Variants in MRTFA observed in about 807,000 individuals in gnomAD.
The protein encoded by MRTFA is myocardin related transcription factor A.
Under a neutral mutation model 83.5 loss-of-function variants are expected in MRTFA, and 20 were observed. The ratio of observed to expected loss-of-function variants is 0.24; its 90% CI spans 0.17 to 0.35. The LOEUF is 0.35. Among genes scored for constraint, MRTFA ranks in the 10% least tolerant of loss-of-function variants. MRTFA has a pLI of 1.00. For synonymous variants in MRTFA, 659 were observed against 541.2 expected (o/e 1.22, Z -3.02); for missense variants, 1,200 against 1,224.7 (o/e 0.98, Z 0.30).
chr22:40,502,614 G>T lies in MRTFA; in HGVS notation c.242-39328C>A, dbSNP rs919824266. 3.3e-3 allele frequency among the ~76,000 whole-genome samples: 485 copies of T among 147,270 alleles called. 2 individuals carry two copies. The highest frequency in any genetic ancestry group is 5.0e-3 in the Non-Finnish European group (335 of 66,580). On this transcript the variant is annotated intron_variant, in intron 3 of 14. Transcript: ENST00000355630. ...GCTCCTCACATCCCAGACGATGGGCGGCCAGGCAGAGACACTCCTCACTTC... is the reference window on the plus strand; with the variant it reads ...GCTCCTCACATCCCAGACGATGGGCTGCCAGGCAGAGACACTCCTCACTTC...
chr22:40,481,503 G>A (rs564792888), intron 3 of MRTFA, among the ~76,000 whole-genome samples: 1 of 152,032 alleles, frequency 6.6e-6, no homozygotes, highest in Non-Finnish European at 1.5e-5. Flanking sequence ...TAATAAATAA[G>A]GTGTACGTAT....
At chr22:40,519,636 G>A in intron 3 of MRTFA, 1 of 1,275,450 alleles carries the variant, frequency 7.8e-7, no homozygotes, top group Non-Finnish European at 1.0e-6. Context: ...AAGCAAAAAA[G>A]AAATAAAAGC....
chr22:40,584,605 A>G (rs148995102), intron 2 of MRTFA, among the ~76,000 whole-genome samples: 3 of 152,076 alleles, frequency 2.0e-5, no homozygotes, highest in African/African-American at 7.2e-5. Context: ...GTGTGGTGGC[A>G]CATGCCTGTA....
chr22:40,505,111 T>C (rs2054559885), intron 3 of MRTFA, among the ~76,000 whole-genome samples: 8 of 152,234 alleles, frequency 5.3e-5, no homozygotes, highest in Admixed American at 4.6e-4. Context: ...CAGCATCTAG[T>C]CCACTGTCTT....
chr22:40,444,978 A>C (rs1459853965), intron 4 of MRTFA, among the ~76,000 whole-genome samples: 2 of 152,174 alleles, frequency 1.3e-5, no homozygotes, highest in African/African-American at 4.8e-5. Context: ...GAGATGGAAG[A>C]ATCGCCTGAG....
intron 3 of MRTFA, among the ~76,000 whole-genome samples, chr22:40,495,377 G>C (rs1384853366): frequency 6.6e-6 from 1 of 151,694 alleles, no homozygotes; most frequent in East Asian, 1.9e-4. Flanking sequence ...ACTTGAACCT[G>C]GGAGGTGGAG....
At chr22:40,472,466 C>A (rs1382098578) in intron 3 of MRTFA, among the ~76,000 whole-genome samples, 3 of 152,094 alleles carry the variant, frequency 2.0e-5, no homozygotes, top group Non-Finnish European at 4.4e-5. Context: ...GTGTTTTGAA[C>A]AATGATTCAG....
intron 2 of MRTFA, among the ~76,000 whole-genome samples, chr22:40,585,657 A>G (rs1029357292): frequency 3.3e-5 from 5 of 152,238 alleles, no homozygotes; most frequent in South Asian, 2.1e-4. Context: ...AAAAGCATCA[A>G]TTAGACAGCT....
intron 3 of MRTFA, among the ~76,000 whole-genome samples, chr22:40,502,130 C>T (rs1377064828): frequency 2.8e-5 from 4 of 143,346 alleles, no homozygotes; most frequent in South Asian, 2.2e-4. Flanking sequence ...CCTCACCTCC[C>T]GGACGGGGCG....
intron 12 of MRTFA, 34 bp from the exon 13 acceptor site, chr22:40,417,527 A>AG (rs1289847577): frequency 3.2e-6 from 3 of 942,166 alleles, no homozygotes; most frequent in African/African-American, 5.7e-5. Context: ...ACCAGTGGCC[A>AG]GGGGGCTGGG....
chr22:40,417,133 C>T, intron 13 of MRTFA, 87 bp from the exon 14 acceptor site: 1 of 1,461,480 alleles, frequency 6.8e-7, no homozygotes, highest in Non-Finnish European at 9.3e-7. Context: ...CCTCCCTCTG[C>T]CCCAGAATAA....
intron 9 of MRTFA, among the ~76,000 whole-genome samples, chr22:40,421,543 T>G (rs1207278043): frequency 1.3e-5 from 2 of 152,118 alleles, no homozygotes; most frequent in African/African-American, 4.8e-5. Context: ...AACTGTCGTG[T>G]CTACTTGAAA....
chr22:40,498,671 C>G (rs1260442579), intron 3 of MRTFA, among the ~76,000 whole-genome samples: 1 of 152,020 alleles, frequency 6.6e-6, no homozygotes, highest in Non-Finnish European at 1.5e-5. Context: ...ACAAATGAAC[C>G]ATCAAAGCAC....
chr22:40,506,049 C>T (rs1004969756), intron 3 of MRTFA, among the ~76,000 whole-genome samples: 18 of 152,008 alleles, frequency 1.2e-4, no homozygotes, highest in African/African-American at 3.6e-4. Context: ...CTGGCTAACA[C>T]GGTGAAACCC....
intron 3 of MRTFA, among the ~76,000 whole-genome samples, chr22:40,539,998 C>T (rs1398149154): frequency 1.3e-5 from 2 of 151,064 alleles, no homozygotes; most frequent in African/African-American, 4.9e-5. Context: ...CAGCCTCGAC[C>T]TCCCAGGCTC....
intron 1 of MRTFA, among the ~76,000 whole-genome samples, chr22:40,625,065 T>C (rs962861688): frequency 1.2e-4 from 19 of 152,172 alleles, no homozygotes; most frequent in African/African-American, 4.6e-4. Context: ...CTCAAATGAC[T>C]AGCATATGAT....
At chr22:40,516,498 GA>G (rs1197193038) in intron 3 of MRTFA, among the ~76,000 whole-genome samples, 2 of 142,782 alleles carry the variant, frequency 1.4e-5, no homozygotes, top group Non-Finnish European at 3.1e-5. Context: ...AGAAGGAAGA[GA>G]ATAAGCAAGG....
At chr22:40,440,439 T>C (rs528934914) in intron 4 of MRTFA, among the ~76,000 whole-genome samples, 1 of 152,352 alleles carries the variant, frequency 6.6e-6, no homozygotes, top group South Asian at 2.1e-4. Flanking sequence ...AGTCCCTGAG[T>C]AGGCCAGCTT....
At chr22:40,497,785 T>C (rs73167093) in intron 3 of MRTFA, among the ~76,000 whole-genome samples, 12,430 of 151,976 alleles carry the variant, frequency 0.082, 783 homozygotes, top group East Asian at 0.24. Context: ...GTAAATCTTT[T>C]CTTCTTATGT....
Sources: gnomAD v4.1 joint callset for allele counts (sites outside exome capture counted in the v4.1 genomes callset) on GRCh38, gnomAD v4.1.1 for gene constraint, MANE v1.5 for transcripts, NCBI Gene and HGNC (gene_info 2026-07-23, HGNC 2026-07-21) for gene names.